ZFYVE28: variants seen among roughly 807,000 people sequenced by gnomAD.
ZFYVE28 encodes zinc finger FYVE-type containing 28, also known as lateral signaling target protein 2 homolog.
ZFYVE28 carries 40 observed loss-of-function variants against 82.1 expected under a neutral mutation model. The ratio of observed to expected loss-of-function variants is 0.49; its 90% CI spans 0.38 to 0.63. The LOEUF (loss-of-function observed/expected upper bound fraction) is 0.63. ZFYVE28 is among the 30% of genes least tolerant of loss of function. ZFYVE28 has a pLI of 0.00. For missense variants in ZFYVE28, 1,321 were observed against 1,242.1 expected (o/e 1.06, Z -0.96); for synonymous variants, 612 against 546.1 (o/e 1.12, Z -1.68).
rs1484165210 is a variant in ZFYVE28, at chr4:2,350,429, A to C, written c.180+3504T>G. ...GACTGAGCCGAGATCGCGCCACTGC[A>C]CTCCAGCCTGGGCGACAGAGCGAGA... is the stretch of plus-strand genomic sequence containing the variant. On this transcript the variant is annotated intron_variant, in intron 2 of 12. Transcript: ENST00000290974. 5.9e-5 allele frequency among the ~76,000 whole-genome samples: 9 copies of C among 151,986 alleles called. No homozygotes were observed. The East Asian group carries it at 1.5e-3, about 26-fold the overall frequency.
chr4:2,335,436 C>T lies in ZFYVE28; in HGVS notation c.701+269G>A, dbSNP rs1721529072. On this transcript the variant is annotated intron_variant, in intron 6 of 12. Transcript: ENST00000290974. The surrounding 1 kb of genome is among the most constrained non-coding windows in gnomAD (Gnocchi z 5.8). ...AGCTCACCTGTGGATCTCACCTGTC[C>T]AGTGGCAGGTGGCAGGTGTTAGGCC... Among the ~76,000 whole-genome samples, 1 of 152,152 alleles carries T rather than the reference C, an allele frequency of 6.6e-6. No individual in the cohort carries two copies. Among genetic ancestry groups the T allele is most frequent in the East Asian group, 1.9e-4 (1 of 5,184 alleles).
intron 7 of ZFYVE28, among the ~76,000 whole-genome samples, chr4:2,310,385 T>G (rs1717310934): frequency 6.6e-6 from 1 of 152,228 alleles, no homozygotes; most frequent in Non-Finnish European, 1.5e-5. Context: ...TGGTTGATTT[T>G]CATTTGTCTG....
chr4:2,351,385 T>C (rs1724420095), intron 2 of ZFYVE28, among the ~76,000 whole-genome samples: 1 of 152,124 alleles, frequency 6.6e-6, no homozygotes, highest in Admixed American at 6.5e-5. Flanking sequence ...CAAAAGTCAA[T>C]AGTATTTCCA....
intron 1 of ZFYVE28, among the ~76,000 whole-genome samples, chr4:2,389,788 G>A (rs1729638768): frequency 6.6e-6 from 1 of 152,178 alleles, no homozygotes; most frequent in African/African-American, 2.4e-5. Context: ...AGAGGTCCTG[G>A]CACCAATTTG....
In ZFYVE28 at chr4:2,408,127, A is replaced by G. The variant is rs1354541829; in HGVS notation, c.39+10158T>C. Among the ~76,000 whole-genome samples, 3 of 147,442 alleles carry G rather than the reference A, an allele frequency of 2.0e-5. No homozygotes were observed. Among genetic ancestry groups the G allele is most frequent in the Admixed American group, 6.8e-5 (1 of 14,780 alleles). On this transcript the variant is annotated intron_variant, in intron 1 of 12. Coordinates refer to ENST00000290974, the MANE Select transcript of ZFYVE28 (RefSeq NM_020972.3). This position sits in a 1 kb window ranked among gnomAD's most constrained non-coding sequence, Gnocchi z 4.3. Reference sequence around the variant, plus strand: ...CTGGCCCCCTGGCCTCCAGGCCTCAAGGCCACAGATTCCTGTCTGACCCTT... The same window carrying G: ...CTGGCCCCCTGGCCTCCAGGCCTCAGGGCCACAGATTCCTGTCTGACCCTT...
chr4:2,350,957 T>A (rs1390942774), intron 2 of ZFYVE28, among the ~76,000 whole-genome samples: 4 of 152,324 alleles, frequency 2.6e-5, no homozygotes, highest in Admixed American at 6.5e-5. Context: ...ACTACATTCT[T>A]TATTCATAAG....
At chr4:2,370,959 T>C (rs967493462) in intron 1 of ZFYVE28, among the ~76,000 whole-genome samples, 8 of 152,180 alleles carry the variant, frequency 5.3e-5, no homozygotes, top group African/African-American at 1.9e-4. Flanking sequence ...CGGTGCCCAC[T>C]GTCCACCACG....
Position 2,303,911 on chromosome 4 carries a change from G to A in ZFYVE28, c.2051+378C>T, listed in dbSNP as rs544047207. On this transcript the variant is annotated intron_variant, in intron 8 of 12. Transcript: ENST00000290974. ...GCTCAGGGCAAGGGGCCCGGCGCTG[G>A]CACAGCCCGCTCCCACTGCCCCGCA... is the stretch of plus-strand genomic sequence containing the variant. Among the ~76,000 whole-genome samples, 26 of 152,360 alleles carry A rather than the reference G, an allele frequency of 1.7e-4. No homozygotes were observed. The East Asian group carries it at 4.8e-3, about 28-fold the overall frequency.
At chr4:2,340,326 C>T (rs994317846) in intron 3 of ZFYVE28, among the ~76,000 whole-genome samples, 7 of 152,190 alleles carry the variant, frequency 4.6e-5, no homozygotes, top group Admixed American at 6.5e-5. Context: ...AGCTCCCCAG[C>T]GTGCGCTCAG....
intron 8 of ZFYVE28, among the ~76,000 whole-genome samples, chr4:2,292,450 G>A (rs1713874899): frequency 2.0e-5 from 3 of 152,170 alleles, no homozygotes; most frequent in African/African-American, 7.2e-5. Flanking sequence ...CCCCTGGTTT[G>A]GCATGGACAA....
At chr4:2,288,157 A>C (rs1254909626) in intron 8 of ZFYVE28, among the ~76,000 whole-genome samples, 1 of 152,106 alleles carries the variant, frequency 6.6e-6, no homozygotes, top group African/African-American at 2.4e-5. Context: ...TTCCTGGAGG[A>C]GGCGGCCTGG....
intron 7 of ZFYVE28, among the ~76,000 whole-genome samples, chr4:2,308,675 A>G (rs373514438): frequency 0.053 from 4,863 of 92,368 alleles, 76 homozygotes; most frequent in Middle Eastern, 0.086. Flanking sequence ...GAAAGAAAGA[A>G]AGAGAAAGAA....
chr4:2,391,912 T>C (rs1729883848), intron 1 of ZFYVE28, among the ~76,000 whole-genome samples: 1 of 151,866 alleles, frequency 6.6e-6, no homozygotes, highest in Admixed American at 6.6e-5. Context: ...ATTTTTGTAT[T>C]TTTAGTAAAG....
intron 1 of ZFYVE28, among the ~76,000 whole-genome samples, chr4:2,360,020 A>T (rs1351312999): frequency 6.6e-6 from 1 of 152,074 alleles, no homozygotes; most frequent in Non-Finnish European, 1.5e-5. Flanking sequence ...GGACAAGCGC[A>T]CGGCGTCTAC....
intron 1 of ZFYVE28, among the ~76,000 whole-genome samples, chr4:2,368,067 C>A (rs946742964): frequency 1.3e-5 from 2 of 152,084 alleles, no homozygotes; most frequent in African/African-American, 4.8e-5. Context: ...TGAGATGGGA[C>A]TCACATGCCA....
chr4:2,330,433 A>C lies in ZFYVE28; in HGVS notation c.701+5272T>G, dbSNP rs574622528. ...AGGACAGCACGGAAGAGGGGACATCATGGAGGGGACAGCACGGAGGAGGGA... is the reference window on the plus strand; with the variant it reads ...AGGACAGCACGGAAGAGGGGACATCCTGGAGGGGACAGCACGGAGGAGGGA... On this transcript the variant is annotated intron_variant, in intron 6 of 12. Coordinates refer to ENST00000290974, the MANE Select transcript of ZFYVE28 (RefSeq NM_020972.3). 741 of 1,051,932 alleles carry C rather than the reference A, an allele frequency of 7.0e-4. 3 individuals are homozygous for C. In the African/African-American group the frequency reaches 7.8e-3, roughly 11 times the overall value. The allele number at this position is 1,051,932 out of a possible 1,614,324, so 65.2% of individuals were successfully genotyped here. A position where few individuals can be genotyped will look rare whatever the true frequency, so the allele number is the denominator to read the frequency against.
At chr4:2,352,932 T>C (rs1013501033) in intron 2 of ZFYVE28, among the ~76,000 whole-genome samples, 1 of 152,144 alleles carries the variant, frequency 6.6e-6, no homozygotes, top group Non-Finnish European at 1.5e-5. Flanking sequence ...CCGTGGCACT[T>C]TCCTCCTCCA....
intron 6 of ZFYVE28, among the ~76,000 whole-genome samples, chr4:2,331,848 G>C (rs960365769): frequency 6.6e-6 from 1 of 152,208 alleles, no homozygotes; most frequent in African/African-American, 2.4e-5. Context: ...CAATCTGAAG[G>C]CCTCAGTTTA....
At chr4:2,396,127 C>CG (rs1240224276) in intron 1 of ZFYVE28, among the ~76,000 whole-genome samples, 7 of 71,432 alleles carry the variant, frequency 9.8e-5, no homozygotes, top group South Asian at 9.3e-4. Flanking sequence ...GGCCACAAGG[C>CG]GGGGTGTCTG....
Sources: gnomAD v4.1 joint callset for allele counts (sites outside exome capture counted in the v4.1 genomes callset) on GRCh38, gnomAD v4.1.1 for gene constraint, Gnocchi (gnomAD v3.1) non-coding constraint, MANE v1.5 for transcripts, NCBI Gene and HGNC (gene_info 2026-07-23, HGNC 2026-07-21) for gene names.